Variants in MTFR1 observed in about 807,000 individuals in gnomAD.
MTFR1 encodes the protein chondrocyte protein with a poly-proline region.
MTFR1 carries 28 observed loss-of-function variants against 38.8 expected under a neutral mutation model. The observed-to-expected ratio is 0.72, with a 90% CI of 0.53 to 0.99. MTFR1 has a LOEUF of 0.99. Among genes scored for constraint, MTFR1 ranks in the 50% least tolerant of loss-of-function variants. The pLI, the probability that MTFR1 is intolerant of heterozygous loss-of-function variation, is 0.00. For synonymous variants in MTFR1, 145 were observed against 137.0 expected, an observed-to-expected ratio of 1.06 and a Z score of -0.41; for missense variants, 358 against 395.5, an observed-to-expected ratio of 0.91 and a Z score of 0.81.
chr8:65,651,511 C>G (rs576998150), intron 1 of MTFR1, among the ~76,000 whole-genome samples: 1 of 152,236 alleles, frequency 6.6e-6, no homozygotes, highest in Non-Finnish European at 1.5e-5. Context: ...TTTCATTCTT[C>G]GGTATGTGGA....
intron 3 of MTFR1, among the ~76,000 whole-genome samples, chr8:65,721,121 G>C (rs935482109): frequency 2.0e-5 from 3 of 152,032 alleles, no homozygotes; most frequent in African/African-American, 7.3e-5. Flanking sequence ...CTCTCTCTTG[G>C]AGGGCAGGAC....
chr8:65,714,079 T>A (rs534253107), downstream of MTFR1, among the ~76,000 whole-genome samples: 1 of 139,832 alleles, frequency 7.2e-6, no homozygotes, highest in African/African-American at 3.0e-5. Flanking sequence ...AACCCAACAC[T>A]ACTGATACCA....
chr8:65,703,429 T>TG (rs1563456801), intron 4 of MTFR1, among the ~76,000 whole-genome samples: 1 of 118,578 alleles, frequency 8.4e-6, no homozygotes, highest in African/African-American at 3.7e-5. Context: ...GTTTTTTTTT[T>TG]TTTTTTTTTT....
At chr8:65,741,077 C>T (rs1807408589) in intron 3 of MTFR1, among the ~76,000 whole-genome samples, 1 of 152,156 alleles carries the variant, frequency 6.6e-6, no homozygotes, top group Non-Finnish European at 1.5e-5. Flanking sequence ...TTCGTTTTCC[C>T]TTCCATGGTG....
intron 3 of MTFR1, among the ~76,000 whole-genome samples, chr8:65,729,976 C>T (rs1419077341): frequency 2.6e-5 from 4 of 151,788 alleles, no homozygotes; most frequent in Non-Finnish European, 5.9e-5. Context: ...TCGCAGGGCT[C>T]CTCAATCCCC....
At chr8:65,747,810 TA>T (rs748290456) in intron 3 of MTFR1, 1 of 1,590,394 alleles carries the variant, frequency 6.3e-7, no homozygotes, top group Non-Finnish European at 8.6e-7. Flanking sequence ...TGAGCTGAAA[TA>T]AAAAGAATAA....
At chr8:65,774,564 A>G (rs569055715), downstream of MTFR1, among the ~76,000 whole-genome samples, 28 of 152,088 alleles carry the variant, frequency 1.8e-4, no homozygotes, top group African/African-American at 6.7e-4. Flanking sequence ...CTTTAACTTT[A>G]TATGGGTTAT....
At chr8:65,719,374 C>T (rs750335424) in intron 2 of MTFR1, 1 of 1,614,020 alleles carries the variant, frequency 6.2e-7, no homozygotes, top group Non-Finnish European at 8.5e-7. Context: ...ACTGTTCTCT[C>T]TGCAGTCCCT....
At chr8:65,653,829 C>T (rs1293035409) in intron 1 of MTFR1, among the ~76,000 whole-genome samples, 3 of 151,960 alleles carry the variant, frequency 2.0e-5, no homozygotes, top group Non-Finnish European at 4.4e-5. Context: ...ATTTGGGAGG[C>T]TAAGGTGGGA....
At chr8:65,741,734 C>T (rs1344925888) in intron 3 of MTFR1, among the ~76,000 whole-genome samples, 7 of 152,106 alleles carry the variant, frequency 4.6e-5, no homozygotes, top group East Asian at 1.9e-4. Flanking sequence ...CAACCATCTT[C>T]GAGTATATAA....
At chr8:65,682,605 C>T (rs1804935637) in intron 3 of MTFR1, 154 bp downstream of exon 3, 2 of 468,510 alleles carry the variant, frequency 4.3e-6, no homozygotes, top group South Asian at 9.3e-5. Context: ...CACAGTAAAG[C>T]CTTTCTAATT....
chr8:65,761,859 C>G (rs931722457), intron 3 of MTFR1, among the ~76,000 whole-genome samples: 6 of 152,202 alleles, frequency 3.9e-5, no homozygotes, highest in Non-Finnish European at 8.8e-5. Flanking sequence ...GAAACAAGCG[C>G]TGAAGAACCA....
intron 1 of MTFR1, among the ~76,000 whole-genome samples, chr8:65,655,676 G>A (rs1036806253): frequency 1.3e-5 from 2 of 151,784 alleles, no homozygotes; most frequent in Admixed American, 6.6e-5. Flanking sequence ...GGGTCAAGGT[G>A]CAGTGGCTAA....
chr8:65,671,007 A>C (rs1372162773), intron 2 of MTFR1, among the ~76,000 whole-genome samples: 3 of 152,124 alleles, frequency 2.0e-5, no homozygotes, highest in Admixed American at 6.6e-5. Flanking sequence ...ATATGGGTAT[A>C]CTTTTTAGTG....
intron 3 of MTFR1, chr8:65,719,750 T>C: frequency 2.2e-6 from 1 of 465,016 alleles, no homozygotes; most frequent in African/African-American, 1.9e-5. Flanking sequence ...TTTCTGGTTA[T>C]CCTTCTCAGT....
At chr8:65,729,326 A>G (rs1178008368) in intron 3 of MTFR1, among the ~76,000 whole-genome samples, 2 of 134,518 alleles carry the variant, frequency 1.5e-5, no homozygotes, top group African/African-American at 5.5e-5. Flanking sequence ...ATCATTTCCC[A>G]TTGTAATGGT....
At chr8:65,689,686 GC>G in intron 3 of MTFR1, 1 of 924,392 alleles carries the variant, frequency 1.1e-6, no homozygotes, top group Non-Finnish European at 1.4e-6. Flanking sequence ...GTCAGTCCTT[GC>G]CAGGGCTGAC....
At chr8:65,687,150 G>A (rs1266111683) in intron 3 of MTFR1, among the ~76,000 whole-genome samples, 1 of 151,986 alleles carries the variant, frequency 6.6e-6, no homozygotes, top group Non-Finnish European at 1.5e-5. Context: ...ACTTAAAATA[G>A]TGACCATGCA....
At chr8:65,653,269 G>A (rs752611336) in intron 1 of MTFR1, among the ~76,000 whole-genome samples, 1 of 152,184 alleles carries the variant, frequency 6.6e-6, no homozygotes, top group African/African-American at 2.4e-5. Flanking sequence ...AGCACTTTGG[G>A]AGGCCGAGGT....
Sources: allele counts gnomAD v4.1 joint callset (sites outside exome capture counted in the v4.1 genomes callset), GRCh38; gene constraint gnomAD v4.1.1; transcripts MANE v1.5; gene names NCBI Gene and HGNC (gene_info 2026-07-23, HGNC 2026-07-21).